VEZT: variants seen among roughly 807,000 people sequenced by gnomAD.
VEZT encodes the protein vezatin.
In VEZT, 39 loss-of-function variants were observed where a neutral mutation model predicts 79.9. That is an observed-to-expected ratio of 0.49 (90% CI 0.38 to 0.64). The LOEUF (loss-of-function observed/expected upper bound fraction) is 0.64, where lower values mean the gene tolerates loss of function less well. VEZT is among the 30% of genes least tolerant of loss of function. The pLI is 0.00. For missense variants in VEZT, 837 were observed against 893.1 expected (o/e 0.94, Z 0.80); for synonymous variants, 325 against 327.6 (o/e 0.99, Z 0.09).
Position 95,293,040 on chromosome 12 carries a change from G to A in VEZT, c.1523-1232G>A, listed in dbSNP as rs148089515. Among the ~76,000 whole-genome samples the A allele has an allele frequency of 1.7e-3, 249 of 150,010 alleles. 2 individuals are homozygous for A. The highest frequency in any genetic ancestry group is 3.6e-3 in the Middle Eastern group (1 of 274). On this transcript the variant is annotated intron_variant, in intron 9 of 11. Transcript: ENST00000436874. ...TAATTTTTCTATTTTTAGTAGAGAT[G>A]GGGGTTTCACCATGTTGGTCAGGCT...
At chr12:95,264,869 CTTTTTTTTTTT>C (rs71078693) in intron 4 of VEZT, among the ~76,000 whole-genome samples, 16,356 of 113,522 alleles carry the variant, frequency 0.14, 1,084 homozygotes, top group East Asian at 0.29. Flanking sequence ...CTTTTCTTTT[CTTTTTTTTTTT>C]TTTTTTTTTT....
At chr12:95,271,810 A>G (rs1019960452) in intron 6 of VEZT, among the ~76,000 whole-genome samples, 6 of 152,128 alleles carry the variant, frequency 3.9e-5, no homozygotes, top group African/African-American at 1.2e-4. Context: ...TTTTCTAGAA[A>G]CTGGGGACCT....
chr12:95,223,660 A>T (rs183014783), intron 1 of VEZT, among the ~76,000 whole-genome samples: 2 of 152,288 alleles, frequency 1.3e-5, no homozygotes, highest in East Asian at 3.9e-4. Flanking sequence ...CATGTTGGCC[A>T]GGCTGGTCTT....
At chr12:95,300,112 C>A (rs2075000702) in intron 11 of VEZT, 53 bp from the exon 12 acceptor site, 1 of 1,021,602 alleles carries the variant, frequency 9.8e-7, no homozygotes, top group South Asian at 3.6e-5. Context: ...AAGTTTAAAT[C>A]ATTGCTAGGT....
intron 2 of VEZT, chr12:95,256,653 A>T: frequency 8.3e-7 from 1 of 1,204,354 alleles, no homozygotes; most frequent in Non-Finnish European, 1.1e-6. Context: ...ATTCAGTAGT[A>T]AAGCTTTTTT....
intron 6 of VEZT, among the ~76,000 whole-genome samples, chr12:95,271,777 T>C (rs1436359912): frequency 1.3e-5 from 2 of 152,164 alleles, no homozygotes. Context: ...CTACAGACTG[T>C]ATGAGTTCTT....
At chr12:95,223,838 A>T (rs547951874) in intron 1 of VEZT, among the ~76,000 whole-genome samples, 1 of 152,126 alleles carries the variant, frequency 6.6e-6, no homozygotes, top group Admixed American at 6.5e-5. Context: ...TAAAATTTCT[A>T]CTTTTATCTA....
chr12:95,224,714 T>C (rs1425582983), intron 1 of VEZT, among the ~76,000 whole-genome samples: 1 of 152,172 alleles, frequency 6.6e-6, no homozygotes, highest in African/African-American at 2.4e-5. Flanking sequence ...CAGTGGAACA[T>C]ATTTCAGGTT....
chr12:95,218,786 C>CT (rs1236536646), intron 1 of VEZT, among the ~76,000 whole-genome samples: 1 of 152,220 alleles, frequency 6.6e-6, no homozygotes, highest in East Asian at 1.9e-4. Context: ...AATTTCTGTT[C>CT]TTGCGGCCTC....
chr12:95,291,427 C>T (rs757633937), intron 9 of VEZT, among the ~76,000 whole-genome samples: 1 of 152,120 alleles, frequency 6.6e-6, no homozygotes, highest in Non-Finnish European at 1.5e-5. Flanking sequence ...GTTGCATCCA[C>T]GTTAAAGTGT....
chr12:95,260,069 A>G (rs2138255331), intron 3 of VEZT, among the ~76,000 whole-genome samples: 1 of 140,338 alleles, frequency 7.1e-6, no homozygotes, highest in African/African-American at 2.6e-5. Flanking sequence ...ATTTGTATTC[A>G]TAGATGATTG....
chr12:95,290,603 A>G (rs896627462), intron 9 of VEZT: 6 of 152,208 alleles, frequency 3.9e-5, no homozygotes, highest in African/African-American at 1.4e-4. Flanking sequence ...AACAGAAAAC[A>G]GATCAGTAGT....
At position 95,279,084 on chromosome 12, in the gene VEZT, A is replaced by T. The variant is rs1029250381; in HGVS notation, c.997-3229A>T. Among the ~76,000 whole-genome samples, 7 of 152,256 alleles carry T rather than the reference A, an allele frequency of 4.6e-5. No individual in the cohort carries two copies. The East Asian group carries it at 7.7e-4, about 17-fold the overall frequency. On this transcript the variant is annotated intron_variant, in intron 7 of 11. Transcript: ENST00000436874. Reference sequence around the variant, plus strand: ...AAACTCCGTCTCAACATAAATAAATAAATTAATTGATTAATTAATTTCTTA... The same window carrying T: ...AAACTCCGTCTCAACATAAATAAATTAATTAATTGATTAATTAATTTCTTA...
chr12:95,261,193 C>T (rs1003651621), intron 3 of VEZT, among the ~76,000 whole-genome samples: 4 of 152,106 alleles, frequency 2.6e-5, no homozygotes, highest in South Asian at 2.1e-4. Context: ...TATGGTTCAC[C>T]TCATTCTTAC....
At chr12:95,271,871 A>G (rs1245945541) in intron 6 of VEZT, among the ~76,000 whole-genome samples, 1 of 152,216 alleles carries the variant, frequency 6.6e-6, no homozygotes, top group Non-Finnish European at 1.5e-5. Context: ...CTTACCTTCT[A>G]GTAGATGAAA....
chr12:95,268,485 G>A (rs1171897546), intron 5 of VEZT, among the ~76,000 whole-genome samples: 3 of 152,104 alleles, frequency 2.0e-5, no homozygotes, highest in Admixed American at 6.6e-5. Context: ...ACGACAGAGC[G>A]AGACTCCGTT....
chr12:95,225,144 T>A (rs2058233302), intron 1 of VEZT, among the ~76,000 whole-genome samples: 1 of 152,206 alleles, frequency 6.6e-6, no homozygotes. Flanking sequence ...CAGGAACCTG[T>A]CTATGTGCCA....
chr12:95,294,076 G>A, intron 9 of VEZT, 196 bp from the exon 10 acceptor site: 1 of 469,466 alleles, frequency 2.1e-6, no homozygotes, highest in Non-Finnish European at 3.9e-6. Flanking sequence ...AGTTTTTGTA[G>A]CGACAGAGTC....
chr12:95,240,926 G>T (rs1021215581), intron 1 of VEZT, among the ~76,000 whole-genome samples: 1 of 152,082 alleles, frequency 6.6e-6, no homozygotes, highest in African/African-American at 2.4e-5. Flanking sequence ...ATAACTCTTT[G>T]TGAGGGTTGT....
Sources: gnomAD v4.1 joint callset for allele counts (sites outside exome capture counted in the v4.1 genomes callset) on GRCh38, gnomAD v4.1.1 for gene constraint, MANE v1.5 for transcripts, NCBI Gene and HGNC (gene_info 2026-07-23, HGNC 2026-07-21) for gene names.